Variants in GNAQ observed in about 807,000 individuals in gnomAD.
The protein encoded by GNAQ is guanine nucleotide-binding protein G(q) subunit alpha.
In GNAQ, 8 loss-of-function variants were observed where a neutral mutation model predicts 43.9. That is an observed-to-expected ratio of 0.18 (90% CI 0.11 to 0.33). The LOEUF is 0.33. GNAQ is among the 10% of genes least tolerant of loss of function. The probability of loss-of-function intolerance (pLI) is 1.00; values close to 1 mark genes in which losing one functional copy is unlikely to be tolerated. For missense variants in GNAQ, 158 were observed against 450.8 expected (o/e 0.35, Z 5.88); for synonymous variants, 155 against 170.7 (o/e 0.91, Z 0.71).
At chr9:77,782,840 T>C (rs1826415815) in intron 5 of GNAQ, among the ~76,000 whole-genome samples, 3 of 152,144 alleles carry the variant, frequency 2.0e-5, no homozygotes, top group Admixed American at 2.0e-4. Context: ...TGAAAAGACA[T>C]GGAGGAACTT....
At chr9:78,008,596 TTTCATTTCATTTCATTTCATTTC>T (rs1823734740) in intron 1 of GNAQ, among the ~76,000 whole-genome samples, 3 of 151,700 alleles carry the variant, frequency 2.0e-5, no homozygotes, top group African/African-American at 7.3e-5. Flanking sequence ...TTTCATTTCA[TTTCATTTCATTTCATTTCATTTC>T]ATTTTATTTT....
rs11337447 is a variant in GNAQ at position 77,896,536 on chromosome 9, CA to C, written c.321+25624del. 8.6e-3 allele frequency among the ~76,000 whole-genome samples: 1,316 copies of C among 152,276 alleles called. 28 individuals carry two copies. Among genetic ancestry groups the C allele is most frequent in the African/African-American group, 0.029 (1,203 of 41,554 alleles). On this transcript the variant is annotated intron_variant, in intron 2 of 6. Coordinates refer to ENST00000286548, the MANE Select transcript of GNAQ (RefSeq NM_002072.5). Reference sequence around the variant, plus strand: ...AACTTTTTTTATACAACGACAATGCCAACTGTCATGCCTAACAAAAGAAAGA... The same window carrying C: ...AACTTTTTTTATACAACGACAATGCCACTGTCATGCCTAACAAAAGAAAGA...
intron 5 of GNAQ, among the ~76,000 whole-genome samples, chr9:77,759,363 A>G (rs990114289): frequency 6.6e-6 from 1 of 152,184 alleles, no homozygotes; most frequent in Non-Finnish European, 1.5e-5. Flanking sequence ...CAAATCCAAA[A>G]TCTTTATGTT....
At chr9:77,739,907 C>A (rs1243470998) in intron 5 of GNAQ, among the ~76,000 whole-genome samples, 1 of 152,148 alleles carries the variant, frequency 6.6e-6, no homozygotes, top group Admixed American at 6.6e-5. Context: ...GATGACACAA[C>A]TGAGCTAAGA....
intron 1 of GNAQ, among the ~76,000 whole-genome samples, chr9:78,025,293 T>G (rs758727671): frequency 5.3e-5 from 8 of 152,218 alleles, no homozygotes; most frequent in Non-Finnish European, 1.0e-4. Context: ...TTGAACAACT[T>G]CCTATAATTT....
intron 1 of GNAQ, among the ~76,000 whole-genome samples, chr9:77,989,504 A>G (rs1169789785): frequency 1.3e-5 from 2 of 152,258 alleles, no homozygotes; most frequent in African/African-American, 4.8e-5. Flanking sequence ...GGAGCCTGTT[A>G]GAAGGGCTCT....
intron 1 of GNAQ, among the ~76,000 whole-genome samples, chr9:78,021,296 G>C (rs1015857227): frequency 6.6e-6 from 1 of 151,980 alleles, no homozygotes; most frequent in Non-Finnish European, 1.5e-5. Context: ...AAAGTGCTGG[G>C]ATTACACGCG....
At chr9:77,895,185 G>T (rs1480442757) in intron 2 of GNAQ, among the ~76,000 whole-genome samples, 1 of 133,226 alleles carries the variant, frequency 7.5e-6, no homozygotes, top group Non-Finnish European at 1.6e-5. Context: ...GTGACAGAGC[G>T]AGACTCCATC....
At chr9:78,030,889 G>GCGTGTGTGTGTCGC (rs764719710) in intron 1 of GNAQ, among the ~76,000 whole-genome samples, 9 of 62,876 alleles carry the variant, frequency 1.4e-4, no homozygotes, top group African/African-American at 4.3e-4. Flanking sequence ...GTGTGTCGCT[G>GCGTGTGTGTGTCGC]TGTGTGTGTG....
intron 1 of GNAQ, among the ~76,000 whole-genome samples, chr9:77,941,874 T>TTC (rs1402487767): frequency 1.3e-5 from 2 of 149,222 alleles, no homozygotes; most frequent in African/African-American, 5.0e-5. Flanking sequence ...CTCATACCAG[T>TTC]TCTCGAAAAT....
Position 77,943,243 on chromosome 9 carries a change from G to A in GNAQ, c.137-20898C>T, listed in dbSNP as rs188379573. 2.4e-4 allele frequency among the ~76,000 whole-genome samples: 36 copies of A among 152,296 alleles called. 1 individual carries two copies. The South Asian group carries it at 3.3e-3, about 14-fold the overall frequency. On this transcript the variant is annotated intron_variant, in intron 1 of 6. Transcript: ENST00000286548. ...GCTCCCCTCAGGGGTTTTGGTTCCT[G>A]AGTCAAATTTGAGCCTCAAGATCAT...
chr9:77,762,211 C>T (rs1207971798), intron 5 of GNAQ, among the ~76,000 whole-genome samples: 1 of 138,676 alleles, frequency 7.2e-6, no homozygotes, highest in Non-Finnish European at 1.6e-5. Flanking sequence ...AGTGAGGAGC[C>T]CCTCTGCCCG....
chr9:77,951,586 T>C (rs1448053928), intron 1 of GNAQ, among the ~76,000 whole-genome samples: 1 of 152,198 alleles, frequency 6.6e-6, no homozygotes, highest in Non-Finnish European at 1.5e-5. Context: ...AATGTAATCA[T>C]ATAAATGGTC....
chr9:77,773,541 G>C (rs561978300), intron 5 of GNAQ, among the ~76,000 whole-genome samples: 1 of 152,332 alleles, frequency 6.6e-6, no homozygotes, highest in South Asian at 2.1e-4. Context: ...AATGAGTGAA[G>C]CTGTGATTTA....
intron 2 of GNAQ, among the ~76,000 whole-genome samples, chr9:77,877,682 A>G (rs936303759): frequency 6.6e-6 from 1 of 152,208 alleles, no homozygotes; most frequent in Admixed American, 6.5e-5. Context: ...TAACTAATTC[A>G]TAAGAATTTG....
chr9:77,953,442 A>G (rs569016348), intron 1 of GNAQ, among the ~76,000 whole-genome samples: 2 of 152,306 alleles, frequency 1.3e-5, no homozygotes, highest in South Asian at 2.1e-4. Flanking sequence ...AGTTGGTGTA[A>G]ACTGGATTAC....
intron 5 of GNAQ, among the ~76,000 whole-genome samples, chr9:77,729,393 A>G (rs552985258): frequency 2.0e-5 from 3 of 152,306 alleles, no homozygotes; most frequent in African/African-American, 7.2e-5. Context: ...TACACTTTCA[A>G]GCCTACCTTG....
intron 2 of GNAQ, among the ~76,000 whole-genome samples, chr9:77,874,144 GA>G (rs1359012577): frequency 7.0e-6 from 1 of 143,552 alleles, no homozygotes; most frequent in Non-Finnish European, 1.5e-5. Flanking sequence ...AAAAAAACAA[GA>G]AAGAAAAAAA....
chr9:77,900,210 A>T (rs188786598), intron 2 of GNAQ, among the ~76,000 whole-genome samples: 1 of 152,176 alleles, frequency 6.6e-6, no homozygotes. Context: ...CTAAGTTTCA[A>T]TAAGTAGGAA....
Sources: gnomAD v4.1 joint callset for allele counts (sites outside exome capture counted in the v4.1 genomes callset) on GRCh38, gnomAD v4.1.1 for gene constraint, MANE v1.5 for transcripts, NCBI Gene and HGNC (gene_info 2026-07-23, HGNC 2026-07-21) for gene names.